Variants in PTPRT observed in about 807,000 individuals in gnomAD.
The protein encoded by PTPRT is receptor-type tyrosine-protein phosphatase T.
In PTPRT, 56 loss-of-function variants were observed where a neutral mutation model predicts 176.8. The ratio of observed to expected loss-of-function variants is 0.32; its 90% CI spans 0.26 to 0.40. PTPRT has a LOEUF of 0.40. PTPRT is among the 10% of genes least tolerant of loss of function. PTPRT has a pLI of 1.00. For synonymous variants in PTPRT, 783 were observed against 739.0 expected (o/e 1.06, Z -0.96); for missense variants, 1,540 against 1,908.2 (o/e 0.81, Z 3.60).
In PTPRT at chr20:42,543,976, G is replaced by A. The variant is rs551854021; in HGVS notation, c.1154-71414C>T. ...TGTAAACAAATGTGCTGTCATCCAGGCTTTGTTGTTCCATTTACAGAGCAC... is the reference window on the plus strand; with the variant it reads ...TGTAAACAAATGTGCTGTCATCCAGACTTTGTTGTTCCATTTACAGAGCAC... On this transcript the variant is annotated intron_variant, in intron 7 of 30. Coordinates refer to ENST00000373187, the MANE Select transcript of PTPRT (RefSeq NM_007050.6). 3.7e-4 allele frequency among the ~76,000 whole-genome samples: 56 copies of A among 152,240 alleles called. 2 individuals carry two copies. The South Asian group carries it at 0.011, about 31-fold the overall frequency.
chr20:42,339,646 T>C (rs1568789247), intron 11 of PTPRT, among the ~76,000 whole-genome samples: 1 of 152,238 alleles, frequency 6.6e-6, no homozygotes, highest in Non-Finnish European at 1.5e-5. Flanking sequence ...GTAGGTCACC[T>C]GGGAAATTGT....
intron 11 of PTPRT, among the ~76,000 whole-genome samples, chr20:42,317,310 C>T (rs887554217): frequency 1.3e-5 from 2 of 152,174 alleles, no homozygotes; most frequent in Non-Finnish European, 2.9e-5. Flanking sequence ...ATGTTAGACT[C>T]TCTTTGTAAA....
chr20:42,161,533 C>A lies in PTPRT; in HGVS notation c.2501G>T (p.Ser834Ile), dbSNP rs200718535. The A allele has an allele frequency of 5.2e-5, 83 of 1,606,434 alleles. No homozygotes were observed. The highest frequency in any genetic ancestry group is 6.0e-6 in the Non-Finnish European group (7 of 1,176,406). Residue 834 changes from serine (S) to isoleucine (I), a missense_variant, in exon 17 of 31, where the codon AGC becomes ATC. Coordinates refer to ENST00000373187, the MANE Select transcript of PTPRT (RefSeq NM_007050.6). Reference sequence around the variant, plus strand: ...GGTGGGCTGGGAAAGCTCCCCGCGGCTGCCATCTGCTTCGAAAAGAAGGAG... The same window carrying A: ...GGTGGGCTGGGAAAGCTCCCCGCGGATGCCATCTGCTTCGAAAAGAAGGAG... ...SQDVNGFTDG[S>I]RGELSQPTLT...
chr20:42,438,252 A>G (rs146944118), intron 9 of PTPRT, among the ~76,000 whole-genome samples: 65 of 152,354 alleles, frequency 4.3e-4, no homozygotes, highest in African/African-American at 1.5e-3. Context: ...CTGTAGATGC[A>G]TAGGATTCAA....
intron 17 of PTPRT, among the ~76,000 whole-genome samples, chr20:42,154,431 T>A (rs546995240): frequency 1.8e-4 from 28 of 152,310 alleles, no homozygotes; most frequent in African/African-American, 6.3e-4. Flanking sequence ...AAGAACAAGA[T>A]GGCAACACAG....
At chr20:42,543,140 C>T (rs929453044) in intron 7 of PTPRT, among the ~76,000 whole-genome samples, 7 of 152,104 alleles carry the variant, frequency 4.6e-5, no homozygotes, top group African/African-American at 1.2e-4. Context: ...GTGAAGTTTG[C>T]AGTATCAATG....
intron 11 of PTPRT, among the ~76,000 whole-genome samples, chr20:42,341,959 T>C (rs1203638787): frequency 6.6e-6 from 1 of 152,186 alleles, no homozygotes; most frequent in African/African-American, 2.4e-5. Context: ...CCAGAGCCAA[T>C]TCTTGGTAAG....
chr20:42,899,923 T>C (rs1193892588), intron 1 of PTPRT, among the ~76,000 whole-genome samples: 1 of 152,234 alleles, frequency 6.6e-6, no homozygotes, highest in Non-Finnish European at 1.5e-5. Flanking sequence ...GCAGCTTGCA[T>C]GTACTGGGAA....
intron 9 of PTPRT, 66 bp from the exon 10 acceptor site, chr20:42,352,351 C>A (rs972109719): frequency 6.5e-7 from 1 of 1,541,588 alleles, no homozygotes; most frequent in Non-Finnish European, 8.9e-7. Flanking sequence ...GATGGAGCTC[C>A]TTTAGAGGAA....
chr20:42,908,041 G>A (rs1009365282), intron 1 of PTPRT, among the ~76,000 whole-genome samples: 9 of 152,020 alleles, frequency 5.9e-5, no homozygotes, highest in African/African-American at 1.4e-4. Flanking sequence ...AGTACTGGTG[G>A]CAGAGTAGCC....
intron 1 of PTPRT, among the ~76,000 whole-genome samples, chr20:43,032,897 A>C (rs950226096): frequency 6.6e-6 from 1 of 152,206 alleles, no homozygotes; most frequent in African/African-American, 2.4e-5. Context: ...TAAACGCATG[A>C]TGTGCGATAC....
chr20:42,324,768 A>G (rs6093621), intron 11 of PTPRT, among the ~76,000 whole-genome samples: 16,798 of 152,204 alleles, frequency 0.11, 1,533 homozygotes, highest in African/African-American at 0.25. Context: ...GAAATTTACA[A>G]TGATATGTCT....
At chr20:42,640,406 A>T (rs566533067) in intron 7 of PTPRT, among the ~76,000 whole-genome samples, 7,396 of 151,454 alleles carry the variant, frequency 0.049, 489 homozygotes, top group African/African-American at 0.15. Flanking sequence ...AAAAAAAAAA[A>T]TTTTTTTGAG....
chr20:42,922,223 C>T (rs972944203), intron 1 of PTPRT, among the ~76,000 whole-genome samples: 8 of 152,144 alleles, frequency 5.3e-5, no homozygotes, highest in Admixed American at 4.6e-4. Context: ...TGTGAGCCAC[C>T]GCGCCTGGCC....
intron 1 of PTPRT, among the ~76,000 whole-genome samples, chr20:43,117,832 A>G (rs1407414700): frequency 6.6e-6 from 1 of 152,190 alleles, no homozygotes; most frequent in Non-Finnish European, 1.5e-5. Context: ...ATTTAAGGTC[A>G]ACCTCACTTT....
At chr20:42,700,143 C>G (rs889584954) in intron 6 of PTPRT, among the ~76,000 whole-genome samples, 1 of 152,164 alleles carries the variant, frequency 6.6e-6, no homozygotes, top group Non-Finnish European at 1.5e-5. Context: ...CCATCTCTAA[C>G]CTAGCGTTTG....
intron 6 of PTPRT, among the ~76,000 whole-genome samples, chr20:42,692,610 T>A (rs1404627825): frequency 6.6e-6 from 1 of 152,164 alleles, no homozygotes; most frequent in Non-Finnish European, 1.5e-5. Flanking sequence ...TACTACACAC[T>A]TTTCCCTGAT....
intron 14 of PTPRT, among the ~76,000 whole-genome samples, chr20:42,240,445 A>G (rs2056329574): frequency 6.6e-6 from 1 of 152,244 alleles, no homozygotes; most frequent in Non-Finnish European, 1.5e-5. Flanking sequence ...AGCTGTGCTT[A>G]GAAAAAACAA....
chr20:42,607,448 G>A (rs1389569733), intron 7 of PTPRT: 1 of 151,996 alleles, frequency 6.6e-6, no homozygotes, highest in Non-Finnish European at 1.5e-5. Flanking sequence ...AGTTAGGACT[G>A]AGCCACCAAT....
Sources: gnomAD v4.1 joint callset for allele counts (sites outside exome capture counted in the v4.1 genomes callset) on GRCh38, gnomAD v4.1.1 for gene constraint, MANE v1.5 for transcripts, NCBI Gene and HGNC (gene_info 2026-07-23, HGNC 2026-07-21) for gene names.